The following CEP72 variants were observed in gnomAD, a reference collection of about 807,000 sequenced individuals.
The protein encoded by CEP72 is centrosomal protein of 72 kDa.
CEP72 carries 78 observed loss-of-function variants against 65.7 expected under a neutral mutation model. The observed-to-expected ratio is 1.19, with a 90% CI of 0.99 to 1.43. CEP72 has a LOEUF of 1.43. Among genes scored for constraint, CEP72 ranks in the 40% most tolerant of loss-of-function variants. The pLI is 0.00. For missense variants in CEP72, 914 were observed against 832.9 expected, an observed-to-expected ratio of 1.10 and a Z score of -1.20; for synonymous variants, 358 against 351.7, an observed-to-expected ratio of 1.02 and a Z score of -0.20.
intron 11 of CEP72, among the ~76,000 whole-genome samples, chr5:648,382 T>C (rs55865771): frequency 7.7e-6 from 1 of 130,656 alleles, no homozygotes; most frequent in African/African-American, 3.3e-5. Flanking sequence ...CCACGAGGCA[T>C]GGACTGTGAG....
Position 639,368 on chromosome 5 carries a change from G to A in CEP72, c.1342+144G>A, listed in dbSNP as rs367687036. 1.7e-4 allele frequency: 149 copies of A among 895,674 alleles called. No individual in the cohort carries two copies. In the East Asian group the frequency reaches 2.3e-3, roughly 14 times the overall value. The allele number at this position is 895,674 out of a possible 1,614,324, so 55.5% of individuals were successfully genotyped here. ...CGAGCGTGTGGTGGTCCCGCGCCTG[G>A]GCCCTCCCTGGCAGTCTTTGCATCT... On this transcript the variant is annotated intron_variant, in intron 8 of 11. Transcript: ENST00000264935.
intron 8 of CEP72, among the ~76,000 whole-genome samples, chr5:639,430 C>G (rs994258152): frequency 6.6e-6 from 1 of 152,232 alleles, no homozygotes. Context: ...ACCACATGGG[C>G]CTGGGCCTGT....
At chr5:644,872 G>C (rs775055066) in intron 10 of CEP72, among the ~76,000 whole-genome samples, 2 of 152,202 alleles carry the variant, frequency 1.3e-5, no homozygotes, top group Admixed American at 6.5e-5. Context: ...CTCCCGAGCA[G>C]GCCTGCTGTG....
At chr5:636,215 C>T (rs1006117403) in intron 6 of CEP72, among the ~76,000 whole-genome samples, 5 of 152,290 alleles carry the variant, frequency 3.3e-5, no homozygotes, top group African/African-American at 7.2e-5. Flanking sequence ...TTCTCCTGTT[C>T]TCTGTGTATT....
Position 624,585 on chromosome 5 carries a change from A to T in CEP72, c.512+6A>T. ...GCTTCTTTGAAAGAGGGCAGGTATG[A>T]ACGGAAGTGCTACGGACACCCAGAG... On this transcript the variant is annotated splice_donor_region_variant and intron_variant, in intron 4 of 11. Transcript: ENST00000264935. The surrounding 1 kb of genome is among the most constrained non-coding windows in gnomAD (Gnocchi z 4.7). The T allele has an allele frequency of 6.3e-7, 1 of 1,586,506 alleles. No individual in the cohort carries two copies. The highest frequency in any genetic ancestry group is 8.7e-7 in the Non-Finnish European group (1 of 1,154,808).
At chr5:643,239 G>C (rs1464947081) in intron 9 of CEP72, 1 of 985,320 alleles carries the variant, frequency 1.0e-6, no homozygotes, top group South Asian at 4.7e-5. Flanking sequence ...GGAGCTCACA[G>C]CCCTGCCTTA....
chr5:628,026 C>T (rs1461050345), intron 4 of CEP72, among the ~76,000 whole-genome samples: 1 of 152,220 alleles, frequency 6.6e-6, no homozygotes, highest in Non-Finnish European at 1.5e-5. Context: ...AGCGCCACTG[C>T]ACGTAAGATT....
rs777586626 is a variant in CEP72, at chr5:635,626, G to GA, written c.904+46dup. 6.4e-6 allele frequency: 9 copies of GA among 1,413,658 alleles called. No homozygotes were observed. The East Asian group carries it at 2.1e-4, about 32-fold the overall frequency. 87.6% of individuals were successfully genotyped at this position (1,413,658 alleles called of 1,614,324 possible). On this transcript the variant is annotated intron_variant, in intron 6 of 11. Transcript: ENST00000264935. The stretch of plus-strand genomic sequence containing the variant: ...TAGTCTGTTTTCTGTTGCTGTAACA[G>GA]AAAACCACAGACTGAGTAATTTATA...
chr5:660,971 T>C (rs1027418868), downstream of CEP72: 5 of 152,258 alleles, frequency 3.3e-5, no homozygotes, highest in African/African-American at 1.2e-4. Context: ...GTAAAAGTAG[T>C]CCAGTATAAA....
chr5:666,693 G>A (rs924514408), intron 4 of CEP72, among the ~76,000 whole-genome samples: 1 of 152,082 alleles, frequency 6.6e-6, no homozygotes, highest in Non-Finnish European at 1.5e-5. Context: ...CCGGTGGGCC[G>A]GAGGTGCCAT....
chr5:656,476 C>A (rs1349694635), downstream of CEP72, among the ~76,000 whole-genome samples: 1 of 151,950 alleles, frequency 6.6e-6, no homozygotes, highest in African/African-American at 2.4e-5. Flanking sequence ...CAGCCTGATA[C>A]TTTTCACAGT....
chr5:652,168 T>C (rs577098599), intron 11 of CEP72, among the ~76,000 whole-genome samples: 23 of 152,132 alleles, frequency 1.5e-4, no homozygotes, highest in Admixed American at 5.9e-4. Context: ...CAAGGTACAG[T>C]TGGGGGTCAT....
intron 11 of CEP72, among the ~76,000 whole-genome samples, chr5:649,015 G>A (rs1188216113): frequency 1.4e-5 from 2 of 146,878 alleles, no homozygotes; most frequent in African/African-American, 2.5e-5. Flanking sequence ...TGGGCTGTGA[G>A]GTATCAACCC....
chr5:675,287 G>A, the CEP72 span, among the ~76,000 whole-genome samples: 1 of 105,226 alleles, frequency 9.5e-6, no homozygotes, highest in Non-Finnish European at 1.9e-5. Context: ...GGGGTTCAGT[G>A]TGGCCAGGGG....
chr5:627,761 G>T (rs1224613310), intron 4 of CEP72, among the ~76,000 whole-genome samples: 1 of 152,134 alleles, frequency 6.6e-6, no homozygotes, highest in Non-Finnish European at 1.5e-5. Flanking sequence ...ATTCCACGTG[G>T]TTGGAAATGC....
chr5:633,946 A>C lies in CEP72; in HGVS notation c.690A>C (p.Gln230His), dbSNP rs748925603. ...GTGAGGCCGACTCTCGTGGTTCCCA[A>C]GGTGCGCTGCTCATCTGCCAGGAGG... is the stretch of plus-strand genomic sequence containing the variant. ...KGREADSRGS[Q>H]ESRHLLSPQL... Residue 230 changes from glutamine (Q) to histidine (H), a missense_variant and splice_region_variant, in exon 5 of 12, where the codon CAA becomes CAC. Gln to His is a conservative substitution (Grantham distance 24). Coordinates refer to ENST00000264935, the MANE Select transcript of CEP72 (RefSeq NM_018140.4). 2 of 1,610,986 alleles carry C rather than the reference A, an allele frequency of 1.2e-6. No individual in the cohort carries two copies. Among genetic ancestry groups the C allele is most frequent in the South Asian group, 2.2e-5 (2 of 91,068 alleles).
At chr5:671,279 C>T (rs570983187), downstream of CEP72, among the ~76,000 whole-genome samples, 8 of 152,268 alleles carry the variant, frequency 5.3e-5, no homozygotes, top group Non-Finnish European at 1.5e-5. Flanking sequence ...GTAGTCACCG[C>T]CCTGTGGACA....
chr5:636,135 A>G (rs1457079836), intron 6 of CEP72, among the ~76,000 whole-genome samples: 1 of 152,248 alleles, frequency 6.6e-6, no homozygotes. Context: ...ATCCCTGTCA[A>G]CTTTTACTCC....
intron 9 of CEP72, chr5:641,591 G>C: frequency 1.0e-6 from 1 of 980,682 alleles, no homozygotes; most frequent in South Asian, 4.8e-5. Context: ...ACCCCGCCTG[G>C]AAGCCTCTGC....
Sources: gnomAD v4.1 joint callset for allele counts (sites outside exome capture counted in the v4.1 genomes callset) on GRCh38, gnomAD v4.1.1 for gene constraint, Gnocchi (gnomAD v3.1) non-coding constraint, MANE v1.5 for transcripts, NCBI Gene and HGNC (gene_info 2026-07-23, HGNC 2026-07-21) for gene names.